Variants in CCSER2 observed in about 807,000 individuals in gnomAD.
CCSER2 encodes serine-rich coiled-coil domain-containing protein 2.
In CCSER2, 46 loss-of-function variants were observed where a neutral mutation model predicts 92.3. The observed-to-expected ratio is 0.50, with a 90% CI of 0.39 to 0.64. The LOEUF (loss-of-function observed/expected upper bound fraction) is 0.64. Among genes scored for constraint, CCSER2 ranks in the 30% least tolerant of loss-of-function variants. The pLI, the probability that CCSER2 is intolerant of heterozygous loss-of-function variation, is 0.00. For missense variants in CCSER2, 1,244 were observed against 1,238.9 expected, an observed-to-expected ratio of 1.00 and a Z score of -0.06; for synonymous variants, 433 against 431.4, an observed-to-expected ratio of 1.00 and a Z score of -0.04.
At chr10:84,479,986 A>G (rs752167722) in intron 9 of CCSER2, among the ~76,000 whole-genome samples, 6 of 152,230 alleles carry the variant, frequency 3.9e-5, no homozygotes, top group Non-Finnish European at 4.4e-5. Context: ...TTTGCACTGC[A>G]TGGTAGAAGA....
At chr10:84,477,907 T>C (rs1245910479) in intron 9 of CCSER2, among the ~76,000 whole-genome samples, 1 of 152,234 alleles carries the variant, frequency 6.6e-6, no homozygotes, top group East Asian at 1.9e-4. Flanking sequence ...TAGTTCATTT[T>C]ATTTGCGTGT....
intron 3 of CCSER2, among the ~76,000 whole-genome samples, chr10:84,383,124 C>T (rs1258394059): frequency 6.6e-6 from 1 of 151,974 alleles, no homozygotes; most frequent in Non-Finnish European, 1.5e-5. Context: ...TTTCTCTAGT[C>T]CAAAAATATG....
At chr10:84,363,642 G>A (rs1345893611) in intron 1 of CCSER2, among the ~76,000 whole-genome samples, 2 of 152,178 alleles carry the variant, frequency 1.3e-5, no homozygotes, top group Non-Finnish European at 2.9e-5. Context: ...TGAGGTAATG[G>A]ATATGAAAGG....
Position 84,514,109 on chromosome 10 carries a change from C to A in CCSER2, c.2986C>A (p.Pro996Thr). 2.0e-6 allele frequency: 3 copies of A among 1,536,116 alleles called. No homozygotes were observed. The highest frequency in any genetic ancestry group is 1.7e-6 in the Non-Finnish European group (2 of 1,146,918). Residue 996 changes from proline to threonine, a missense_variant, in exon 10 of 10, where the codon CCC becomes ACC. Coordinates refer to ENST00000372088, the MANE Select transcript of CCSER2 (RefSeq NM_001284240.2). Reference protein sequence around the residue: ...GSFKQKQTNSPQLEPQSFQAK... With the variant: ...GSFKQKQTNSTQLEPQSFQAK... ...TTTCAAACAAAAACAAACAAACAGC[C>A]CCCAACTAGAGCCTCAAAGCTTCCA...
intron 3 of CCSER2, among the ~76,000 whole-genome samples, chr10:84,408,180 ATAAG>A (rs1842466820): frequency 6.6e-6 from 1 of 152,146 alleles, no homozygotes; most frequent in Non-Finnish European, 1.5e-5. Context: ...AATTAAAAAC[ATAAG>A]TATGTGATTA....
In CCSER2 at chr10:84,469,209, A is replaced by G. The variant is rs977496542; in HGVS notation, c.2149-1163A>G. 7.2e-5 allele frequency among the ~76,000 whole-genome samples: 11 copies of G among 152,272 alleles called. No homozygotes were observed. The South Asian group carries it at 8.3e-4, about 11-fold the overall frequency. On this transcript the variant is annotated intron_variant, in intron 7 of 9. Coordinates refer to ENST00000372088, the MANE Select transcript of CCSER2 (RefSeq NM_001284240.2). ...TATAAATCATTTCTTTTGAATAGCT[A>G]TATTTGCTACATAACTTAGAAATGT...
chr10:84,466,081 G>T (rs1846410978), intron 7 of CCSER2, among the ~76,000 whole-genome samples: 2 of 152,126 alleles, frequency 1.3e-5, no homozygotes, highest in Non-Finnish European at 1.5e-5. Flanking sequence ...TCTTGTCCCT[G>T]CTCCATTTCC....
At chr10:84,412,403 G>C (rs1395570557) in intron 3 of CCSER2, among the ~76,000 whole-genome samples, 1 of 151,988 alleles carries the variant, frequency 6.6e-6, no homozygotes, top group Non-Finnish European at 1.5e-5. Flanking sequence ...ATAGAATTCA[G>C]ATGTGAATCT....
chr10:84,403,800 A>G (rs1277718936), intron 3 of CCSER2, among the ~76,000 whole-genome samples: 1 of 152,202 alleles, frequency 6.6e-6, no homozygotes, highest in African/African-American at 2.4e-5. Context: ...GAGAAACAAC[A>G]TTTCTTATAT....
At chr10:84,440,733 T>C (rs895202259) in intron 6 of CCSER2, among the ~76,000 whole-genome samples, 3 of 152,262 alleles carry the variant, frequency 2.0e-5, no homozygotes, top group Non-Finnish European at 4.4e-5. Context: ...AATGGCACAC[T>C]GTTTTAGTTA....
chr10:84,437,672 G>A (rs1589663670), intron 5 of CCSER2, among the ~76,000 whole-genome samples: 1 of 147,306 alleles, frequency 6.8e-6, no homozygotes, highest in East Asian at 2.0e-4. Flanking sequence ...GTATGTTATT[G>A]TATGAAACTG....
intron 9 of CCSER2, among the ~76,000 whole-genome samples, chr10:84,496,549 T>TG (rs777896386): frequency 2.6e-5 from 4 of 151,706 alleles, no homozygotes; most frequent in Admixed American, 6.6e-5. Flanking sequence ...CCTCCCAAAG[T>TG]GCTGGGATTA....
intron 3 of CCSER2, among the ~76,000 whole-genome samples, chr10:84,403,362 G>A (rs1370806685): frequency 2.0e-5 from 3 of 152,164 alleles, no homozygotes; most frequent in Non-Finnish European, 2.9e-5. Flanking sequence ...GAAGAAAATC[G>A]TTAGGAACTA....
At chr10:84,508,521 A>G (rs1849184783) in intron 9 of CCSER2, among the ~76,000 whole-genome samples, 1 of 152,202 alleles carries the variant, frequency 6.6e-6, no homozygotes, top group Non-Finnish European at 1.5e-5. Context: ...ATTCAAACTC[A>G]GATCAGCCTG....
At chr10:84,368,367 C>A (rs1043877230) in intron 1 of CCSER2, among the ~76,000 whole-genome samples, 1 of 151,612 alleles carries the variant, frequency 6.6e-6, no homozygotes, top group African/African-American at 2.4e-5. Flanking sequence ...CAGTGTGTAA[C>A]TGATAGGTTT....
At chr10:84,351,262 A>G (rs751085846) in intron 1 of CCSER2, among the ~76,000 whole-genome samples, 2 of 151,540 alleles carry the variant, frequency 1.3e-5, no homozygotes, top group Non-Finnish European at 2.9e-5. Context: ...TTCCTTTGAG[A>G]CAGAGTCTTC....
At position 84,371,017 on chromosome 10, in the gene CCSER2, C is replaced by A; in HGVS notation, c.-36C>A. 1.5e-6 allele frequency: 2 copies of A among 1,350,912 alleles called. No homozygotes were observed. Among genetic ancestry groups the A allele is most frequent in the South Asian group, 1.5e-5 (1 of 66,332 alleles). 83.7% of individuals were successfully genotyped at this position (1,350,912 alleles called of 1,614,324 possible). On this transcript the variant is annotated 5_prime_UTR_variant, in exon 2 of 10. Coordinates refer to ENST00000372088, the MANE Select transcript of CCSER2 (RefSeq NM_001284240.2). ...TACTTCTTTTTTCTCTTCACAGATT[C>A]TTTCAACTTTTAAGAACAAATGCAC...
intron 3 of CCSER2, among the ~76,000 whole-genome samples, chr10:84,410,333 T>C (rs1396971824): frequency 6.6e-6 from 1 of 152,178 alleles, no homozygotes; most frequent in Non-Finnish European, 1.5e-5. Flanking sequence ...CTTTGAGGAA[T>C]TACCACACCA....
At chr10:84,377,789 T>C (rs1381301476) in intron 3 of CCSER2, among the ~76,000 whole-genome samples, 1 of 152,218 alleles carries the variant, frequency 6.6e-6, no homozygotes, top group African/African-American at 2.4e-5. Flanking sequence ...TACTTCTTGC[T>C]AATGTTTTGT....
Sources: allele counts gnomAD v4.1 joint callset (sites outside exome capture counted in the v4.1 genomes callset), GRCh38; gene constraint gnomAD v4.1.1; transcripts MANE v1.5; gene names NCBI Gene and HGNC (gene_info 2026-07-23, HGNC 2026-07-21).